ZNF385B: variants seen among roughly 807,000 people sequenced by gnomAD.
ZNF385B encodes the protein zinc finger protein 533.
ZNF385B carries 23 observed loss-of-function variants against 39.2 expected under a neutral mutation model. The ratio of observed to expected loss-of-function variants is 0.59; its 90% confidence interval spans 0.42 to 0.83. The LOEUF (loss-of-function observed/expected upper bound fraction) is 0.83. Ranked by LOEUF, ZNF385B falls within the 40% of genes least tolerant of loss-of-function variation. The pLI is 0.00. For synonymous variants in ZNF385B, 205 were observed against 222.6 expected, an observed-to-expected ratio of 0.92 and a Z score of 0.70; for missense variants, 552 against 598.9, an observed-to-expected ratio of 0.92 and a Z score of 0.82.
chr2:179,612,980 C>T (rs1179061092), intron 3 of ZNF385B, among the ~76,000 whole-genome samples: 8 of 152,182 alleles, frequency 5.3e-5, no homozygotes, highest in African/African-American at 1.7e-4. Flanking sequence ...CCTTTCCCTT[C>T]GCATAAGCAG....
intron 3 of ZNF385B, among the ~76,000 whole-genome samples, chr2:179,757,615 T>A (rs558017119): frequency 6.0e-4 from 92 of 152,298 alleles, no homozygotes; most frequent in Non-Finnish European, 1.1e-3. Flanking sequence ...TCCACCCAGT[T>A]CAAGCTTCCT....
intron 3 of ZNF385B, among the ~76,000 whole-genome samples, chr2:179,629,655 T>C (rs978579529): frequency 5.3e-5 from 8 of 152,148 alleles, no homozygotes; most frequent in South Asian, 2.1e-4. Context: ...GTTCATCTCA[T>C]TGGGACTGGT....
chr2:179,458,098 T>C (rs141069564), intron 6 of ZNF385B, among the ~76,000 whole-genome samples: 42 of 152,362 alleles, frequency 2.8e-4, no homozygotes, highest in African/African-American at 9.4e-4. Context: ...TATCTTCGTA[T>C]ATCTAAGTTA....
intron 1 of ZNF385B, among the ~76,000 whole-genome samples, chr2:179,854,485 A>G (rs1382145268): frequency 1.3e-5 from 2 of 152,016 alleles, no homozygotes; most frequent in African/African-American, 4.8e-5. Context: ...AAAGGCAAAA[A>G]CTGTAACTAC....
intron 3 of ZNF385B, among the ~76,000 whole-genome samples, chr2:179,758,428 G>A (rs1475248137): frequency 6.6e-6 from 1 of 152,178 alleles, no homozygotes; most frequent in African/African-American, 2.4e-5. Flanking sequence ...AGAAGGAGCA[G>A]GCAGATCTTG....
At chr2:179,470,489 C>CCT (rs200507734) in intron 6 of ZNF385B, among the ~76,000 whole-genome samples, 2,091 of 152,194 alleles carry the variant, frequency 0.014, 42 homozygotes, top group Middle Eastern at 0.037. Context: ...GTTTGGCCCC[C>CCT]CCGGGCTATG....
intron 4 of ZNF385B, among the ~76,000 whole-genome samples, chr2:179,537,335 A>G (rs2059639558): frequency 6.9e-6 from 1 of 145,156 alleles, no homozygotes; most frequent in Non-Finnish European, 1.5e-5. Flanking sequence ...AAAAAAATAA[A>G]AAAGAAAAGA....
chr2:179,734,422 T>G (rs947598281), intron 3 of ZNF385B, among the ~76,000 whole-genome samples: 6 of 152,206 alleles, frequency 3.9e-5, no homozygotes, highest in African/African-American at 1.4e-4. Context: ...GAGTGCCCCA[T>G]GCCCACATAC....
intron 3 of ZNF385B, among the ~76,000 whole-genome samples, chr2:179,612,669 A>T (rs954573005): frequency 1.3e-5 from 2 of 152,154 alleles, no homozygotes; most frequent in African/African-American, 4.8e-5. Flanking sequence ...GCTGTGTCAG[A>T]CCTGAAGCCA....
chr2:179,787,630 A>T (rs2106533690), intron 1 of ZNF385B, among the ~76,000 whole-genome samples: 1 of 152,252 alleles, frequency 6.6e-6, no homozygotes, highest in African/African-American at 2.4e-5. Context: ...CTAGTAAAAT[A>T]TTTCTTCTTA....
intron 5 of ZNF385B, among the ~76,000 whole-genome samples, chr2:179,500,075 C>A (rs2056615434): frequency 6.6e-6 from 1 of 151,432 alleles, no homozygotes; most frequent in South Asian, 2.1e-4. Flanking sequence ...AAGATTTAAC[C>A]AAAGAAGTGA....
intron 3 of ZNF385B, among the ~76,000 whole-genome samples, chr2:179,659,324 T>A (rs1694189807): frequency 6.6e-6 from 1 of 152,160 alleles, no homozygotes; most frequent in South Asian, 2.1e-4. Flanking sequence ...CCCTAAAATT[T>A]CACTAGTATT....
At chr2:179,482,199 C>G (rs574759730) in intron 6 of ZNF385B, among the ~76,000 whole-genome samples, 1 of 152,196 alleles carries the variant, frequency 6.6e-6, no homozygotes, top group South Asian at 2.1e-4. Context: ...TCTGAACCTT[C>G]CTCTTACAGT....
chr2:179,613,432 G>A (rs993137168), intron 3 of ZNF385B, among the ~76,000 whole-genome samples: 3 of 152,166 alleles, frequency 2.0e-5, no homozygotes, highest in African/African-American at 7.2e-5. Context: ...CTGGGTCACT[G>A]CTGATTATTC....
intron 5 of ZNF385B, among the ~76,000 whole-genome samples, chr2:179,493,379 G>A (rs537739884): frequency 6.5e-4 from 99 of 151,328 alleles, no homozygotes; most frequent in East Asian, 2.9e-3. Flanking sequence ...TTGTGTGCGC[G>A]CGCACATATA....
At chr2:179,629,418 G>T (rs1199739206) in intron 3 of ZNF385B, among the ~76,000 whole-genome samples, 3 of 152,196 alleles carry the variant, frequency 2.0e-5, no homozygotes, top group African/African-American at 7.2e-5. Context: ...ATATGAATGA[G>T]TGGCTGTCTA....
chr2:179,719,287 G>T (rs957349105), intron 3 of ZNF385B, among the ~76,000 whole-genome samples: 4 of 152,128 alleles, frequency 2.6e-5, no homozygotes, highest in Non-Finnish European at 5.9e-5. Flanking sequence ...AAGCTGGAGA[G>T]GAGGCAATCA....
At position 179,609,219 on chromosome 2, in the gene ZNF385B, C is replaced by T. The variant is rs377438511; in HGVS notation, c.299-64250G>A. Among the ~76,000 whole-genome samples, 10 of 152,236 alleles carry T rather than the reference C, an allele frequency of 6.6e-5. No homozygotes were observed. In the East Asian group the frequency reaches 1.9e-3, roughly 29 times the overall value. On this transcript the variant is annotated intron_variant, in intron 3 of 9. Transcript: ENST00000410066. ...CCATCCCCACTTCCCCTCCCCAACC[C>T]TACTACCCTTCCCAGCCTCTGGTGA...
chr2:179,446,976 A>C (rs2049565333), intron 6 of ZNF385B, among the ~76,000 whole-genome samples: 2 of 152,202 alleles, frequency 1.3e-5, no homozygotes, highest in South Asian at 4.1e-4. Flanking sequence ...AGGTCATCCC[A>C]AGATAAGGAT....
Sources: allele counts gnomAD v4.1 joint callset (sites outside exome capture counted in the v4.1 genomes callset), GRCh38; gene constraint gnomAD v4.1.1; transcripts MANE v1.5; gene names NCBI Gene and HGNC (gene_info 2026-07-23, HGNC 2026-07-21).